The following SGPP2 variants were observed in gnomAD, a reference collection of about 807,000 sequenced individuals.
SGPP2 encodes the protein sphingosine-1-phosphate phosphatase 2.
In SGPP2, 30 loss-of-function variants were observed where a neutral mutation model predicts 33.9. That is an observed-to-expected ratio of 0.89 (90% confidence interval 0.66 to 1.20). SGPP2 has a LOEUF of 1.20. SGPP2 is among the 50% of genes most tolerant of loss of function. SGPP2 has a pLI of 0.00. For synonymous variants in SGPP2, 233 were observed against 225.0 expected (o/e 1.04, Z -0.32); for missense variants, 458 against 532.1 (o/e 0.86, Z 1.37).
chr2:222,436,643 G>A (rs1291050958), intron 1 of SGPP2, among the ~76,000 whole-genome samples: 1 of 152,220 alleles, frequency 6.6e-6, no homozygotes, highest in African/African-American at 2.4e-5. Context: ...AGGCAATGCT[G>A]TGTGGGATAC....
At chr2:222,543,909 T>C (rs953380159) in intron 4 of SGPP2, among the ~76,000 whole-genome samples, 1 of 152,204 alleles carries the variant, frequency 6.6e-6, no homozygotes, top group African/African-American at 2.4e-5. Flanking sequence ...AATCTATAGA[T>C]TAATTTGAGA....
intron 4 of SGPP2, among the ~76,000 whole-genome samples, chr2:222,541,112 C>T (rs950318055): frequency 9.9e-5 from 15 of 152,162 alleles, no homozygotes; most frequent in Admixed American, 7.2e-4. Flanking sequence ...CCACCACGTC[C>T]GGCCAGCTTA....
chr2:222,502,626 G>A (rs976332350), intron 2 of SGPP2, among the ~76,000 whole-genome samples: 23 of 152,258 alleles, frequency 1.5e-4, no homozygotes, highest in Admixed American at 2.6e-4. Flanking sequence ...TATAATATGC[G>A]CTGTAGATAG....
chr2:222,429,468 C>CT (rs1697120105), intron 1 of SGPP2, among the ~76,000 whole-genome samples: 1 of 152,306 alleles, frequency 6.6e-6, no homozygotes, highest in East Asian at 1.9e-4. Flanking sequence ...TATATTTGAT[C>CT]TTTTTTTCTA....
chr2:222,510,047 C>T (rs1234467216), intron 2 of SGPP2, among the ~76,000 whole-genome samples: 2 of 152,186 alleles, frequency 1.3e-5, no homozygotes, highest in Non-Finnish European at 2.9e-5. Flanking sequence ...CCAGTACTTT[C>T]TTTCTTTCTA....
At chr2:222,447,227 G>A in intron 1 of SGPP2, among the ~76,000 whole-genome samples, 1 of 152,188 alleles carries the variant, frequency 6.6e-6, no homozygotes. Context: ...GAAAACAAAA[G>A]CATATCCAGA....
At chr2:222,432,099 C>T (rs1326429097) in intron 1 of SGPP2, among the ~76,000 whole-genome samples, 1 of 152,218 alleles carries the variant, frequency 6.6e-6, no homozygotes, top group East Asian at 1.9e-4. Flanking sequence ...CAGTCAATTT[C>T]ATCCCGTGTG....
chr2:222,509,298 T>C (rs1698490465), intron 2 of SGPP2, among the ~76,000 whole-genome samples: 2 of 152,166 alleles, frequency 1.3e-5, no homozygotes, highest in Non-Finnish European at 2.9e-5. Flanking sequence ...TCATTACACA[T>C]TGTATGCATG....
intron 2 of SGPP2, among the ~76,000 whole-genome samples, chr2:222,484,358 C>G (rs1367099555): frequency 2.0e-5 from 3 of 152,136 alleles, no homozygotes. Context: ...CGTTGTTCCC[C>G]TCACCCCCAG....
intron 4 of SGPP2, among the ~76,000 whole-genome samples, chr2:222,525,647 T>A (rs1394787801): frequency 6.6e-6 from 1 of 152,226 alleles, no homozygotes; most frequent in Non-Finnish European, 1.5e-5. Flanking sequence ...TCCCAATGTG[T>A]CCACGGCTGC....
chr2:222,556,469 C>T (rs1191361203), intron 4 of SGPP2, among the ~76,000 whole-genome samples: 4 of 142,446 alleles, frequency 2.8e-5, no homozygotes, highest in South Asian at 2.4e-4. Context: ...CACTCCCCCG[C>T]ATCCACTCTC....
At chr2:222,532,223 G>A (rs138498063) in intron 4 of SGPP2, among the ~76,000 whole-genome samples, 1,636 of 152,064 alleles carry the variant, frequency 0.011, 33 homozygotes, top group African/African-American at 0.038. Flanking sequence ...GCAGTGAGCC[G>A]AGATCGCGCC....
intron 1 of SGPP2, among the ~76,000 whole-genome samples, chr2:222,466,946 G>T (rs774789411): frequency 3.9e-5 from 6 of 152,140 alleles, no homozygotes; most frequent in Non-Finnish European, 7.3e-5. Flanking sequence ...TGTGTTGCAG[G>T]ATCCTCCATG....
At chr2:222,473,696 G>C (rs1041991688) in intron 1 of SGPP2, among the ~76,000 whole-genome samples, 3 of 152,118 alleles carry the variant, frequency 2.0e-5, no homozygotes, top group Non-Finnish European at 4.4e-5. Context: ...AGGCCGAGGT[G>C]GGTGGATCAC....
At chr2:222,429,532 A>G (rs754374135) in intron 1 of SGPP2, among the ~76,000 whole-genome samples, 10 of 152,240 alleles carry the variant, frequency 6.6e-5, no homozygotes, top group Non-Finnish European at 1.3e-4. Flanking sequence ...CACGAAGAGA[A>G]AGTTAAATTC....
intron 4 of SGPP2, among the ~76,000 whole-genome samples, chr2:222,556,345 G>A (rs1362311053): frequency 6.6e-6 from 1 of 151,994 alleles, no homozygotes; most frequent in Non-Finnish European, 1.5e-5. Context: ...AGGGGATGGT[G>A]GAGGGGAACT....
chr2:222,435,040 G>GTA (rs1250355567), intron 1 of SGPP2, among the ~76,000 whole-genome samples: 38 of 144,664 alleles, frequency 2.6e-4, no homozygotes, highest in Non-Finnish European at 4.7e-4. Context: ...ATATATATGT[G>GTA]TATATATATA....
At position 222,558,418 on chromosome 2, in the gene SGPP2, C is replaced by A; in HGVS notation, c.720C>A (p.Asp240Glu). 6.2e-6 allele frequency: 10 copies of A among 1,614,224 alleles called. No individual in the cohort carries two copies. Among genetic ancestry groups the A allele is most frequent in the Non-Finnish European group, 8.5e-6 (10 of 1,180,046 alleles). The change falls in exon 5 of 5, where the codon GAC becomes GAA. Residue 240 changes from aspartate to glutamate, a missense_variant. Physicochemically the swap from Asp to Glu is conservative, Grantham distance 45 (BLOSUM62 2). Coordinates refer to ENST00000321276, the MANE Select transcript of SGPP2 (RefSeq NM_152386.4). ...CCTACCCTGCCTGGACCTTCATCGA[C>A]TGCCTGGACTCGGCCAGCCCCCTCT... ...VLTYPAWTFIDCLDSASPLFP... is the reference protein window; with the variant it reads ...VLTYPAWTFIECLDSASPLFP...
rs1698269353 is a variant in SGPP2, at chr2:222,495,697, C to T, written c.378+20971C>T. 3.3e-5 allele frequency among the ~76,000 whole-genome samples: 5 copies of T among 152,170 alleles called. No individual in the cohort carries two copies. The South Asian group carries it at 1.0e-3, about 32-fold the overall frequency. ...GCTCAGATAAGACCCACAGATGCCT[C>T]CCTTGTTTATTAGTGACAAGGCCAG... On this transcript the variant is annotated intron_variant, in intron 2 of 4. Transcript: ENST00000321276.
Sources: allele counts gnomAD v4.1 joint callset (sites outside exome capture counted in the v4.1 genomes callset), GRCh38; gene constraint gnomAD v4.1.1; transcripts MANE v1.5; gene names NCBI Gene and HGNC (gene_info 2026-07-23, HGNC 2026-07-21).